MAP3K15: variants seen among roughly 807,000 people sequenced by gnomAD.
MAP3K15 encodes mitogen-activated protein kinase kinase kinase 15, also known as MAPK/ERK kinase kinase 15.
MAP3K15 carries 124 observed loss-of-function variants against 99.5 expected under a neutral mutation model. The ratio of observed to expected loss-of-function variants is 1.25; its 90% confidence interval spans 1.08 to 1.45. The LOEUF is 1.45. MAP3K15 is among the 40% of genes most tolerant of loss of function. MAP3K15 has a pLI of 0.00. For synonymous variants in MAP3K15, 494 were observed against 439.6 expected, an observed-to-expected ratio of 1.12 and a Z score of -1.55; for missense variants, 1,242 against 1,079.7, an observed-to-expected ratio of 1.15 and a Z score of -2.11.
In MAP3K15 at chrX:19,413,454, A is replaced by C. The variant is rs1444256572; in HGVS notation, c.1601T>G (p.Ile534Arg). 1 of 1,196,357 alleles carries C rather than the reference A, an allele frequency of 8.4e-7. No individual in the cohort carries two copies. The highest frequency in any genetic ancestry group is 1.8e-5 in the African/African-American group (1 of 56,509). The stretch of plus-strand genomic sequence containing the variant: ...AGGCTGGTACACTTTGGTTGGCTCT[A>C]TGACCAGAACCTGAAACAAGAACAG... ...TNGLRFPVLVIEPTKVYQPSY... is the reference protein window; with the variant it reads ...TNGLRFPVLVREPTKVYQPSY... Residue 534 changes from isoleucine (I) to arginine (R), a missense_variant, in exon 11 of 29, where the codon ATA becomes AGA. Coordinates refer to ENST00000338883, the MANE Select transcript of MAP3K15 (RefSeq NM_001001671.4).
At chrX:19,472,220 T>C (rs1402202665) in intron 3 of MAP3K15, among the ~76,000 whole-genome samples, 1 of 85,367 alleles carries the variant, frequency 1.2e-5, no homozygotes, top group Non-Finnish European at 2.2e-5. Context: ...CGAGACTCTG[T>C]CTCAAAAATA....
At chrX:19,433,246 G>C (rs892464836) in intron 6 of MAP3K15, among the ~76,000 whole-genome samples, 1 of 111,183 alleles carries the variant, frequency 9.0e-6, no homozygotes, top group Admixed American at 9.6e-5. Flanking sequence ...CAGAAAGCTA[G>C]TAAAACGTTA....
At chrX:19,451,174 A>ACTC (rs973097728) in intron 6 of MAP3K15, among the ~76,000 whole-genome samples, 1 of 105,138 alleles carries the variant, frequency 9.5e-6, no homozygotes, top group Admixed American at 1.0e-4. Flanking sequence ...AATCCCAGCT[A>ACTC]CTCGGGAGGC....
intron 1 of MAP3K15, among the ~76,000 whole-genome samples, chrX:19,495,422 G>A (rs1045581563): frequency 4.5e-5 from 5 of 111,944 alleles, no homozygotes; most frequent in African/African-American, 1.6e-4. Context: ...AGTGGTACTC[G>A]TTGCCTGGGG....
chrX:19,406,421 C>T (rs928301112), intron 13 of MAP3K15, among the ~76,000 whole-genome samples: 1 of 112,271 alleles, frequency 8.9e-6, no homozygotes, highest in East Asian at 2.8e-4. Context: ...ACGTGTTACA[C>T]ATGGATAAAC....
chrX:19,472,226 A>T (rs1242896759), intron 3 of MAP3K15, among the ~76,000 whole-genome samples: 4 of 97,458 alleles, frequency 4.1e-5, no homozygotes, highest in Non-Finnish European at 6.1e-5. Flanking sequence ...TCTGTCTCAA[A>T]AATAATAATA....
intron 3 of MAP3K15, among the ~76,000 whole-genome samples, chrX:19,480,736 G>A (rs1337964146): frequency 1.9e-5 from 2 of 104,875 alleles, no homozygotes; most frequent in Admixed American, 2.1e-4. Context: ...TGAGGCAGGA[G>A]AATTGCTTGA....
intron 18 of MAP3K15, among the ~76,000 whole-genome samples, chrX:19,389,820 T>C (rs1049198944): frequency 8.9e-6 from 1 of 112,051 alleles, no homozygotes; most frequent in Non-Finnish European, 1.9e-5. Flanking sequence ...AATTGGTGGC[T>C]TCCAAAGAGG....
chrX:19,421,240 A>T (rs1456110459), intron 9 of MAP3K15, among the ~76,000 whole-genome samples: 3 of 111,375 alleles, frequency 2.7e-5, no homozygotes, highest in Non-Finnish European at 5.6e-5. Context: ...AGGAAGTCAA[A>T]TTGTCCCTGT....
intron 9 of MAP3K15, among the ~76,000 whole-genome samples, chrX:19,420,886 A>T (rs774283433): frequency 1.5e-3 from 163 of 112,006 alleles, no homozygotes; most frequent in Non-Finnish European, 2.5e-3. Flanking sequence ...ACACATGCAA[A>T]TCAATAAATG....
chrX:19,374,301 T>A (rs779676013), intron 20 of MAP3K15, among the ~76,000 whole-genome samples, 176 bp downstream of exon 20: 2 of 111,461 alleles, frequency 1.8e-5, no homozygotes, highest in South Asian at 7.6e-4. Context: ...ATTAGTTGGA[T>A]TTTGACAACC....
chrX:19,414,939 A>G (rs758025070), intron 10 of MAP3K15, among the ~76,000 whole-genome samples, 168 bp downstream of exon 10: 5 of 112,307 alleles, frequency 4.5e-5, no homozygotes, highest in Non-Finnish European at 7.5e-5. Flanking sequence ...CCAATGATCT[A>G]TGAGTGAGCT....
chrX:19,409,115 T>C (rs1038164186), intron 12 of MAP3K15, among the ~76,000 whole-genome samples: 7 of 111,727 alleles, frequency 6.3e-5, no homozygotes, highest in Non-Finnish European at 1.1e-4. Flanking sequence ...TTTTAAGTGA[T>C]GTTGATGGTA....
At chrX:19,385,692 G>A (rs1238509046) in intron 18 of MAP3K15, among the ~76,000 whole-genome samples, 1 of 111,356 alleles carries the variant, frequency 9.0e-6, no homozygotes, top group East Asian at 2.8e-4. Flanking sequence ...GGAGGCAACT[G>A]AGGTTCAGAG....
At chrX:19,449,488 A>T (rs6629343) in intron 6 of MAP3K15, among the ~76,000 whole-genome samples, 69,956 of 108,365 alleles carry the variant, frequency 0.65, 20,475 homozygotes, top group East Asian at 1. Context: ...GACATTTATC[A>T]ATGTCTAGAG....
intron 7 of MAP3K15, among the ~76,000 whole-genome samples, chrX:19,430,214 G>A: frequency 8.9e-6 from 1 of 112,288 alleles, no homozygotes; most frequent in African/African-American, 3.2e-5. Context: ...CCACGTGTGA[G>A]TTCCCGAACC....
rs769050360 is a variant in MAP3K15 at position 19,361,120 on chromosome X, G to A, written c.3857+219C>T. ...TGTGCCTCCACCCACTCCCAGCCAG[G>A]CATTAATGGCAGGAGATTGGCCAGC... On this transcript the variant is annotated intron_variant, in intron 28 of 28. Coordinates refer to ENST00000338883, the MANE Select transcript of MAP3K15 (RefSeq NM_001001671.4). 2.5e-4 allele frequency: 104 copies of A among 420,394 alleles called. 5 individuals are homozygous for A. The East Asian group carries it at 3.9e-3, about 16-fold the overall frequency. 34.6% of individuals were successfully genotyped at this position (420,394 alleles called of 1,213,427 possible).
Position 19,361,388 on chromosome X carries a change from C to A in MAP3K15, c.3808G>T (p.Asp1270Tyr), listed in dbSNP as rs750874490. The A allele has an allele frequency of 2.5e-6, 3 of 1,208,573 alleles. No homozygotes were observed. In the South Asian group the frequency reaches 5.3e-5, roughly 21 times the overall value. ...TCCTTAGTGATCTCATTAAGAATAT[C>A]CGAAAGTGTATAACCCTCTTCAACA... is the stretch of plus-strand genomic sequence containing the variant. Reference protein sequence around the residue: ...KIVEEGYTLSDILNEITKEDL... With the variant: ...KIVEEGYTLSYILNEITKEDL... The change falls in exon 28 of 29, where the codon GAT (aspartate) becomes TAT (tyrosine). Residue 1270 changes from aspartate (D) to tyrosine (Y), a missense_variant. Transcript: ENST00000338883.
chrX:19,410,092 G>A lies in MAP3K15; in HGVS notation c.1699-119C>T, dbSNP rs751625188. 22 of 516,435 alleles carry A rather than the reference G, an allele frequency of 4.3e-5. No individual in the cohort carries two copies. In the Middle Eastern group the frequency reaches 1.3e-3, roughly 31 times the overall value. 42.6% of individuals were successfully genotyped at this position (516,435 alleles called of 1,213,427 possible). A position where few individuals can be genotyped will look rare whatever the true frequency, so the allele number is the denominator to read the frequency against. On this transcript the variant is annotated intron_variant, in intron 11 of 28. Coordinates refer to ENST00000338883, the MANE Select transcript of MAP3K15 (RefSeq NM_001001671.4). ...TTACCTGCAGTGGTGATTTTTTTAC[G>A]GGTTACAGCAATACACCTTGTATAA...
Sources: gnomAD v4.1 joint callset for allele counts (sites outside exome capture counted in the v4.1 genomes callset) on GRCh38, gnomAD v4.1.1 for gene constraint, MANE v1.5 for transcripts, NCBI Gene and HGNC (gene_info 2026-07-23, HGNC 2026-07-21) for gene names.